Variants in ANKS1A observed in about 807,000 individuals in gnomAD.
ANKS1A encodes the protein ankyrin repeat and SAM domain-containing protein 1A.
A neutral mutation model predicts 120.3 loss-of-function variants in ANKS1A; 55 were observed. That is an observed-to-expected ratio of 0.46 (90% CI 0.37 to 0.57). The LOEUF is 0.57. Ranked by LOEUF, ANKS1A falls within the 20% of genes least tolerant of loss-of-function variation. ANKS1A has a pLI of 0.00. For synonymous variants in ANKS1A, 590 were observed against 604.7 expected (o/e 0.98, Z 0.36); for missense variants, 1,123 against 1,480.3 (o/e 0.76, Z 3.96).
At chr6:34,926,781 T>C (rs1265903467) in intron 1 of ANKS1A, among the ~76,000 whole-genome samples, 1 of 152,208 alleles carries the variant, frequency 6.6e-6, no homozygotes. Flanking sequence ...GATTGGGGGC[T>C]TGAGCTTGCT....
In ANKS1A at chr6:34,950,222, CTTTTTT is replaced by C. The variant is rs747865614; in HGVS notation, c.198-17000_198-16995del. Among the ~76,000 whole-genome samples the C allele has an allele frequency of 6.2e-5, 6 of 97,536 alleles. No homozygotes were observed. In the East Asian group the frequency reaches 1.0e-3, roughly 16 times the overall value. The allele number at this position is 97,536 out of a possible 152,430, so 64.0% of individuals were successfully genotyped here. On this transcript the variant is annotated intron_variant, in intron 1 of 23. Coordinates refer to ENST00000360359, the MANE Select transcript of ANKS1A (RefSeq NM_015245.3). ...TAAGGAAGAGGTTTTTCTTTTCTCT[CTTTTTT>C]TTTTTTTTTTTTTTTTGGGACGGAG...
chr6:34,970,295 A>G (rs1021538152), intron 3 of ANKS1A, 129 bp downstream of exon 3: 11 of 1,122,156 alleles, frequency 9.8e-6, no homozygotes, highest in African/African-American at 1.6e-5. Context: ...TTTGATAATC[A>G]GTTCCTTAGC....
chr6:34,997,856 G>A (rs910061200), intron 10 of ANKS1A, among the ~76,000 whole-genome samples: 9 of 152,200 alleles, frequency 5.9e-5, no homozygotes, highest in Admixed American at 1.3e-4. Flanking sequence ...TCAAGAGATC[G>A]TCAGGTTAAG....
intron 1 of ANKS1A, among the ~76,000 whole-genome samples, chr6:34,894,933 A>G (rs1178467019): frequency 6.6e-6 from 1 of 152,228 alleles, no homozygotes; most frequent in Non-Finnish European, 1.5e-5. Context: ...GAAAATTTAT[A>G]GATAGTAGCA....
intron 3 of ANKS1A, among the ~76,000 whole-genome samples, chr6:34,976,154 A>G: frequency 6.6e-6 from 1 of 151,542 alleles, no homozygotes; most frequent in African/African-American, 2.4e-5. Flanking sequence ...AAAAAAAAGA[A>G]AAGAAAAACT....
At chr6:34,939,278 C>T (rs542271339) in intron 1 of ANKS1A, among the ~76,000 whole-genome samples, 3 of 152,220 alleles carry the variant, frequency 2.0e-5, no homozygotes, top group Admixed American at 6.5e-5. Flanking sequence ...ATGCACACCT[C>T]CTGTGGACAG....
downstream of ANKS1A, among the ~76,000 whole-genome samples, chr6:35,094,053 C>T (rs904599487): frequency 1.3e-5 from 2 of 152,214 alleles, no homozygotes; most frequent in African/African-American, 4.8e-5. Flanking sequence ...AGCAGCCTCC[C>T]ACCTCAGGTG....
intron 11 of ANKS1A, among the ~76,000 whole-genome samples, chr6:35,043,588 T>C (rs193118442): frequency 2.4e-4 from 36 of 152,364 alleles, no homozygotes; most frequent in African/African-American, 7.7e-4. Flanking sequence ...GCTTTCCACA[T>C]GTGCCATTGT....
At position 34,982,349 on chromosome 6, in the gene ANKS1A, C is replaced by T. The variant is rs1209901251; in HGVS notation, c.732+363C>T. ...TTGACGTTGCCAGCAAGAAATGTCACATTTCCTTTCTTTGTTAGCCTTTCC... is the reference window on the plus strand; with the variant it reads ...TTGACGTTGCCAGCAAGAAATGTCATATTTCCTTTCTTTGTTAGCCTTTCC... On this transcript the variant is annotated intron_variant, in intron 4 of 23. Coordinates refer to ENST00000360359, the MANE Select transcript of ANKS1A (RefSeq NM_015245.3). The surrounding 1 kb of genome is among the most constrained non-coding windows in gnomAD (Gnocchi z 4.9). 6.6e-6 allele frequency among the ~76,000 whole-genome samples: 1 copy of T among 152,198 alleles called. No individual in the cohort carries two copies. The highest frequency in any genetic ancestry group is 1.5e-5 in the Non-Finnish European group (1 of 68,030).
intron 13 of ANKS1A, among the ~76,000 whole-genome samples, chr6:35,068,767 G>A (rs1279735085): frequency 6.6e-6 from 1 of 152,180 alleles, no homozygotes; most frequent in Non-Finnish European, 1.5e-5. Flanking sequence ...CAAGAGAGGA[G>A]AGTTCAGCCT....
intron 8 of ANKS1A, among the ~76,000 whole-genome samples, chr6:34,985,894 T>G (rs745749809): frequency 2.6e-5 from 4 of 152,262 alleles, no homozygotes; most frequent in African/African-American, 4.8e-5. Context: ...TTTTCTCATC[T>G]TTCTGTTTCT....
At chr6:34,935,570 G>A (rs1769204384) in intron 1 of ANKS1A, among the ~76,000 whole-genome samples, 2 of 152,164 alleles carry the variant, frequency 1.3e-5, no homozygotes, top group African/African-American at 4.8e-5. Context: ...CTCCCTTTCC[G>A]GTAGCTTTAG....
At chr6:35,029,505 C>T (rs548029948) in intron 11 of ANKS1A, among the ~76,000 whole-genome samples, 4 of 151,456 alleles carry the variant, frequency 2.6e-5, no homozygotes, top group African/African-American at 9.7e-5. Context: ...CCTGCCACCA[C>T]GCCCAGCTAA....
chr6:35,063,344 G>A (rs529272737), intron 13 of ANKS1A, among the ~76,000 whole-genome samples: 2 of 152,386 alleles, frequency 1.3e-5, no homozygotes, highest in South Asian at 2.1e-4. Context: ...ACGGAAGGAA[G>A]GTAATTGGTG....
rs1214995667 is a variant in ANKS1A, at chr6:35,058,640, G to A, written c.2078-1507G>A. The A allele has an allele frequency of 3.3e-5, 5 of 152,286 alleles. No homozygotes were observed. Among genetic ancestry groups the A allele is most frequent in the African/African-American group, 7.2e-5 (3 of 41,458 alleles). The allele number at this position is 152,286 out of a possible 1,614,324, so 9.4% of individuals were successfully genotyped here. A position where few individuals can be genotyped will look rare whatever the true frequency, so the allele number is the denominator to read the frequency against. On this transcript the variant is annotated intron_variant, in intron 12 of 23. Coordinates refer to ENST00000360359, the MANE Select transcript of ANKS1A (RefSeq NM_015245.3). The surrounding 1 kb of genome is among the most constrained non-coding windows in gnomAD (Gnocchi z 5.1). The stretch of plus-strand genomic sequence containing the variant: ...CAAGGGGCAGAAAGTACCTGGGAAC[G>A]GCAGAATGACTTTCACCGTGTCAGG...
At chr6:35,048,004 C>T (rs569135413) in intron 11 of ANKS1A, among the ~76,000 whole-genome samples, 1 of 152,142 alleles carries the variant, frequency 6.6e-6, no homozygotes, top group East Asian at 1.9e-4. Flanking sequence ...GGGAGCAAGA[C>T]CAAATATCAG....
chr6:34,933,294 T>C (rs1252286684), intron 1 of ANKS1A, among the ~76,000 whole-genome samples: 1 of 152,248 alleles, frequency 6.6e-6, no homozygotes, highest in African/African-American at 2.4e-5. Flanking sequence ...TTTGGCGAAA[T>C]AGATTTTTTT....
chr6:34,950,853 C>T (rs1770060419), intron 1 of ANKS1A, among the ~76,000 whole-genome samples: 1 of 152,100 alleles, frequency 6.6e-6, no homozygotes, highest in Admixed American at 6.6e-5. Context: ...TAAAACCGGG[C>T]TGGGCAGGTG....
chr6:35,008,641 T>C (rs866423660), intron 10 of ANKS1A, among the ~76,000 whole-genome samples: 2 of 152,272 alleles, frequency 1.3e-5, no homozygotes, highest in Non-Finnish European at 2.9e-5. Context: ...CCAAGCCTTA[T>C]GAACTGTGCT....
Sources: gnomAD v4.1 joint callset for allele counts (sites outside exome capture counted in the v4.1 genomes callset) on GRCh38, gnomAD v4.1.1 for gene constraint, Gnocchi (gnomAD v3.1) non-coding constraint, MANE v1.5 for transcripts, NCBI Gene and HGNC (gene_info 2026-07-23, HGNC 2026-07-21) for gene names.